The following STPG1 variants were observed in gnomAD, a reference collection of about 807,000 sequenced individuals.
The protein encoded by STPG1 is O(6)-methylguanine-induced apoptosis 2.
A neutral mutation model predicts 40.1 loss-of-function variants in STPG1; 33 were observed. That is an observed-to-expected ratio of 0.82 (90% CI 0.62 to 1.10). The LOEUF (loss-of-function observed/expected upper bound fraction) is 1.10. Ranked by LOEUF, STPG1 falls within the 50% of genes least tolerant of loss-of-function variation. The probability of loss-of-function intolerance (pLI) is 0.00; values close to 1 mark genes in which losing one functional copy is unlikely to be tolerated. For missense variants in STPG1, 396 were observed against 415.1 expected, an observed-to-expected ratio of 0.95 and a Z score of 0.40; for synonymous variants, 150 against 155.0, an observed-to-expected ratio of 0.97 and a Z score of 0.24.
chr1:24,402,667 G>C (rs1460572761), intron 1 of STPG1, among the ~76,000 whole-genome samples: 1 of 150,948 alleles, frequency 6.6e-6, no homozygotes, highest in African/African-American at 2.4e-5. Flanking sequence ...AACTGCTTAA[G>C]CCCAGGAGAT....
chr1:24,387,027 G>A (rs1459586999), intron 3 of STPG1, among the ~76,000 whole-genome samples: 2 of 152,096 alleles, frequency 1.3e-5, no homozygotes, highest in East Asian at 1.9e-4. Flanking sequence ...CCATCACCAC[G>A]CACGATGTTG....
At chr1:24,390,431 G>A (rs770266962) in intron 3 of STPG1, among the ~76,000 whole-genome samples, 19 of 152,150 alleles carry the variant, frequency 1.2e-4, no homozygotes, top group Admixed American at 3.9e-4. Flanking sequence ...TGGTGGTGGT[G>A]ATTTTGAGAT....
intron 4 of STPG1, among the ~76,000 whole-genome samples, chr1:24,380,891 A>T (rs115700312): frequency 0.017 from 2,565 of 152,294 alleles, 76 homozygotes; most frequent in African/African-American, 0.059. Flanking sequence ...TTCTAATAAG[A>T]AGTGGCTACA....
intron 5 of STPG1, among the ~76,000 whole-genome samples, chr1:24,377,615 C>A (rs1234215222): frequency 6.6e-6 from 1 of 152,176 alleles, no homozygotes; most frequent in East Asian, 1.9e-4. Flanking sequence ...CATATTCTCC[C>A]TCAAGCTCCA....
Position 24,399,465 on chromosome 1 carries a change from A to G in STPG1, c.70+1854T>C, listed in dbSNP as rs886519351. Among the ~76,000 whole-genome samples, 2 of 152,184 alleles carry G rather than the reference A, an allele frequency of 1.3e-5. No homozygotes were observed. Among genetic ancestry groups the G allele is most frequent in the Non-Finnish European group, 2.9e-5 (2 of 68,006 alleles). The stretch of plus-strand genomic sequence containing the variant: ...AATAATAGAGTTTCTAGAAGAAACT[A>G]TCTTGGGATGGGCAAAGATTTCTTA... On this transcript the variant is annotated intron_variant, in intron 2 of 8. Transcript: ENST00000337248. This position sits in a 1 kb window ranked among gnomAD's most constrained non-coding sequence, Gnocchi z 4.0.
Position 24,360,970 on chromosome 1 carries a change from C to A in STPG1, c.809G>T (p.Gly270Val). The change falls in exon 8 of 9, where the codon GGT becomes GTT. Residue 270 changes from glycine to valine, a missense_variant. Transcript: ENST00000337248. ...TAAGTAGTCCACGATCTCATACTGA[C>A]CAGGACCTGGGAAAGGTGGCTTCGG... is the stretch of plus-strand genomic sequence containing the variant. ...LPPKPPFPGP[G>V]QYEIVDYLGP... 6.2e-7 allele frequency: 1 copy of A among 1,613,882 alleles called. No homozygotes were observed. The highest frequency in any genetic ancestry group is 8.5e-7 in the Non-Finnish European group (1 of 1,179,926).
chr1:24,357,419 T>C lies in STPG1; in HGVS notation c.*1124A>G, dbSNP rs77898329. 5,300 of 152,608 alleles carry C rather than the reference T, an allele frequency of 0.035. 238 individuals carry two copies. Among genetic ancestry groups the C allele is most frequent in the African/African-American group, 0.1 (4,195 of 41,554 alleles). The allele number at this position is 152,608 out of a possible 1,614,324, so 9.5% of individuals were successfully genotyped here. ...GGCGCTTCTCAACCTACACCTATCA[T>C]TGGAATCACCTGGGTGGCTCCTGCC... On this transcript the variant is annotated 3_prime_UTR_variant, in exon 9 of 9. Transcript: ENST00000337248.
rs139922322 is a variant in STPG1, at chr1:24,408,604, G to A, written c.-69+5070C>T. On this transcript the variant is annotated intron_variant, in intron 1 of 8. Transcript: ENST00000337248. The stretch of plus-strand genomic sequence containing the variant: ...ACCCCAGTACTAAATGGGGGCAATT[G>A]TAGGACTCACCGTGTTTTTCTTCCT... Among the ~76,000 whole-genome samples, 526 of 152,330 alleles carry A rather than the reference G, an allele frequency of 3.5e-3. 7 individuals are homozygous for A. The highest frequency in any genetic ancestry group is 0.011 in the African/African-American group (472 of 41,558).
At chr1:24,403,706 T>C (rs988247028) in intron 1 of STPG1, among the ~76,000 whole-genome samples, 1 of 152,256 alleles carries the variant, frequency 6.6e-6, no homozygotes, top group South Asian at 2.1e-4. Flanking sequence ...GTATTTCATA[T>C]TTTATGTCAA....
chr1:24,398,410 C>G (rs2148710217), intron 2 of STPG1, among the ~76,000 whole-genome samples: 1 of 152,204 alleles, frequency 6.6e-6, no homozygotes, highest in African/African-American at 2.4e-5. Flanking sequence ...ATATTAAAGG[C>G]TTTCCCTTGA....
At chr1:24,392,426 T>TA (rs1642812389) in intron 2 of STPG1, among the ~76,000 whole-genome samples, 1 of 152,202 alleles carries the variant, frequency 6.6e-6, no homozygotes, top group Admixed American at 6.5e-5. Context: ...TGATGGCTGA[T>TA]AGCTCTTCAG....
chr1:24,375,387 AAAAAATGTTTCTCGAG>A (rs1641974920), intron 5 of STPG1, among the ~76,000 whole-genome samples: 1 of 152,146 alleles, frequency 6.6e-6, no homozygotes, highest in Non-Finnish European at 1.5e-5. Context: ...CCTTTGTCAA[AAAAAATGTTTCTCGAG>A]AAATGCAGAT....
At chr1:24,361,794 A>G (rs1353738984) in intron 7 of STPG1, among the ~76,000 whole-genome samples, 5 of 152,138 alleles carry the variant, frequency 3.3e-5, no homozygotes, top group Non-Finnish European at 7.3e-5. Flanking sequence ...CCGGACCTGT[A>G]CTTGAGTCCT....
rs746924231 is a variant in STPG1, at chr1:24,358,427, AC to A, written c.*115del. Reference sequence around the variant, plus strand: ...GATGCCAGGCCAGAGTGGTAGAGCCACCCCCCAAGTTGTCAGCTGCCACACT... The same window carrying A: ...GATGCCAGGCCAGAGTGGTAGAGCCACCCCCAAGTTGTCAGCTGCCACACT... On this transcript the variant is annotated 3_prime_UTR_variant, in exon 9 of 9. Transcript: ENST00000337248. 4.1e-5 allele frequency: 36 copies of A among 879,812 alleles called. No homozygotes were observed. The African/African-American group carries it at 5.1e-4, about 12-fold the overall frequency. The allele number at this position is 879,812 out of a possible 1,614,324, so 54.5% of individuals were successfully genotyped here.
intron 8 of STPG1, 69 bp from the exon 9 acceptor site, chr1:24,358,688 A>G: frequency 1.6e-6 from 2 of 1,288,446 alleles, no homozygotes; most frequent in Non-Finnish European, 2.2e-6. Context: ...CTGGCATTCT[A>G]CCTCAGAGCT....
Position 24,384,012 on chromosome 1 carries a change from G to A in STPG1, c.190-9C>T. The stretch of plus-strand genomic sequence containing the variant: ...GGTCCTGGGATATCATTCTGAAAGG[G>A]AAGAGAAGGTGGTGTCATCGAGATA... On this transcript the variant is annotated splice_polypyrimidine_tract_variant and intron_variant, in intron 3 of 8. Coordinates refer to ENST00000337248, the MANE Select transcript of STPG1 (RefSeq NM_001199013.2). 1.9e-6 allele frequency: 3 copies of A among 1,561,514 alleles called. No homozygotes were observed. Among genetic ancestry groups the A allele is most frequent in the Non-Finnish European group, 1.8e-6 (2 of 1,132,054 alleles).
chr1:24,378,979 G>C (rs1030665390), intron 5 of STPG1, among the ~76,000 whole-genome samples: 1 of 152,178 alleles, frequency 6.6e-6, no homozygotes, highest in African/African-American at 2.4e-5. Context: ...TGTGGTCCTT[G>C]TGTGACTGGT....
At chr1:24,371,251 T>A (rs1457701335) in intron 6 of STPG1, among the ~76,000 whole-genome samples, 1 of 152,160 alleles carries the variant, frequency 6.6e-6, no homozygotes, top group Non-Finnish European at 1.5e-5. Context: ...ATATATTTAT[T>A]TAAAATGATG....
intron 1 of STPG1, among the ~76,000 whole-genome samples, chr1:24,401,724 C>T (rs991386311): frequency 3.3e-5 from 5 of 152,144 alleles, no homozygotes; most frequent in Non-Finnish European, 7.4e-5. Context: ...CGGAGTTTTG[C>T]TCTTGTCACC....
Sources: allele counts gnomAD v4.1 joint callset (sites outside exome capture counted in the v4.1 genomes callset), GRCh38; gene constraint gnomAD v4.1.1; non-coding constraint Gnocchi (gnomAD v3.1); transcripts MANE v1.5; gene names NCBI Gene and HGNC (gene_info 2026-07-23, HGNC 2026-07-21).